The following NFAM1 variants were observed in gnomAD, a reference collection of about 807,000 sequenced individuals.
The protein encoded by NFAM1 is NFAT activating protein with ITAM motif 1.
A neutral mutation model predicts 29.0 loss-of-function variants in NFAM1; 17 were observed. The observed-to-expected ratio is 0.59, with a 90% confidence interval of 0.40 to 0.88. NFAM1 has a LOEUF of 0.88. Ranked by LOEUF, NFAM1 falls within the 40% of genes least tolerant of loss-of-function variation. The probability of loss-of-function intolerance (pLI) is 0.00; values close to 1 mark genes in which losing one functional copy is unlikely to be tolerated. For synonymous variants in NFAM1, 175 were observed against 147.2 expected (o/e 1.19, Z -1.36); for missense variants, 324 against 344.6 (o/e 0.94, Z 0.47).
intron 3 of NFAM1, among the ~76,000 whole-genome samples, chr22:42,405,765 G>A (rs942144138): frequency 1.3e-5 from 2 of 152,174 alleles, no homozygotes; most frequent in Non-Finnish European, 2.9e-5. Context: ...ACTTCACAGT[G>A]GTACCCAAGG....
intron 1 of NFAM1, 131 bp from the exon 2 acceptor site, chr22:42,411,867 G>A: frequency 1.6e-6 from 1 of 642,226 alleles, no homozygotes; most frequent in East Asian, 2.7e-5. Context: ...GGAGGCCGAG[G>A]CAGGCGGATC....
intron 1 of NFAM1, among the ~76,000 whole-genome samples, chr22:42,428,382 C>T (rs943503686): frequency 2.6e-5 from 4 of 152,182 alleles, no homozygotes; most frequent in East Asian, 1.9e-4. Context: ...TCCGGAGCGG[C>T]GGGAAGGGAG....
intron 5 of NFAM1, among the ~76,000 whole-genome samples, chr22:42,386,742 T>C (rs1030737688): frequency 2.6e-5 from 4 of 152,182 alleles, no homozygotes; most frequent in Non-Finnish European, 5.9e-5. Context: ...TTGCTCAATC[T>C]GCACACAAGG....
intron 1 of NFAM1, among the ~76,000 whole-genome samples, chr22:42,412,138 A>G (rs1455886585): frequency 6.6e-6 from 1 of 152,082 alleles, no homozygotes; most frequent in African/African-American, 2.4e-5. Flanking sequence ...AGACTGACGC[A>G]GGAGAATCGC....
chr22:42,412,526 C>T (rs1459839330), intron 1 of NFAM1, among the ~76,000 whole-genome samples: 2 of 152,242 alleles, frequency 1.3e-5, no homozygotes, highest in Non-Finnish European at 2.9e-5. Context: ...CTCCCAACCC[C>T]TCTTCTTCCC....
chr22:42,405,126 G>C (rs1333098855), intron 3 of NFAM1, among the ~76,000 whole-genome samples: 1 of 152,150 alleles, frequency 6.6e-6, no homozygotes, highest in Non-Finnish European at 1.5e-5. Context: ...GCAGGGACCA[G>C]AACTCAAGCC....
chr22:42,415,872 C>T (rs1407771549), intron 1 of NFAM1, among the ~76,000 whole-genome samples: 1 of 152,218 alleles, frequency 6.6e-6, no homozygotes, highest in Non-Finnish European at 1.5e-5. Flanking sequence ...AGTTAGGTCA[C>T]AGGCCCTGTC....
chr22:42,436,434 C>G (rs749474136), upstream of NFAM1, among the ~76,000 whole-genome samples: 2 of 152,182 alleles, frequency 1.3e-5, no homozygotes, highest in Non-Finnish European at 2.9e-5. Flanking sequence ...CAAACACCCT[C>G]ACTATCAAAA....
intron 1 of NFAM1, among the ~76,000 whole-genome samples, chr22:42,413,630 A>G (rs2147110507): frequency 6.6e-6 from 1 of 151,660 alleles, no homozygotes; most frequent in South Asian, 2.1e-4. Context: ...ACAAAAAAAG[A>G]AAAAAAAATC....
intron 1 of NFAM1, among the ~76,000 whole-genome samples, chr22:42,421,368 C>T (rs1257921493): frequency 1.3e-5 from 2 of 149,742 alleles, no homozygotes; most frequent in African/African-American, 4.9e-5. Flanking sequence ...AGGCAGGAAC[C>T]TGGGAGGCAG....
At chr22:42,437,389 C>T (rs1279233674), upstream of NFAM1, among the ~76,000 whole-genome samples, 3 of 152,058 alleles carry the variant, frequency 2.0e-5, no homozygotes, top group Admixed American at 6.5e-5. Context: ...GTGATCTGCC[C>T]GCCTCGGTCT....
In NFAM1 at chr22:42,384,165, A is replaced by G. The variant is rs1929055215; in HGVS notation, c.*996T>C. On this transcript the variant is annotated 3_prime_UTR_variant, in exon 6 of 6. Transcript: ENST00000329021. ...GGGCCAGGGCTGCGGCCTATGGCAGATAAAGATAGAGGAGGAGGGCTGGAT... is the reference window on the plus strand; with the variant it reads ...GGGCCAGGGCTGCGGCCTATGGCAGGTAAAGATAGAGGAGGAGGGCTGGAT... 6.5e-6 allele frequency: 1 copy of G among 152,944 alleles called. No homozygotes were observed. The highest frequency in any genetic ancestry group is 6.5e-5 in the Admixed American group (1 of 15,288). The allele number at this position is 152,944 out of a possible 1,614,324, so 9.5% of individuals were successfully genotyped here. A position where few individuals can be genotyped will look rare whatever the true frequency, so the allele number is the denominator to read the frequency against.
At chr22:42,405,116 G>T (rs896813278) in intron 3 of NFAM1, among the ~76,000 whole-genome samples, 4 of 152,178 alleles carry the variant, frequency 2.6e-5, no homozygotes, top group Non-Finnish European at 4.4e-5. Flanking sequence ...AGGGGAGGGA[G>T]CAGGGACCAG....
intron 1 of NFAM1, among the ~76,000 whole-genome samples, chr22:42,423,675 T>C (rs2146552708): frequency 6.6e-6 from 1 of 151,630 alleles, no homozygotes; most frequent in East Asian, 1.9e-4. Context: ...GCCATGACTG[T>C]ATCACCTCAG....
At chr22:42,424,143 C>T (rs895134908) in intron 1 of NFAM1, among the ~76,000 whole-genome samples, 4 of 149,614 alleles carry the variant, frequency 2.7e-5, no homozygotes, top group East Asian at 2.1e-4. Flanking sequence ...TGGCTGGGCG[C>T]GGTGGCTCAT....
intron 1 of NFAM1, among the ~76,000 whole-genome samples, chr22:42,413,218 G>T (rs1458491919): frequency 6.6e-6 from 1 of 152,226 alleles, no homozygotes; most frequent in African/African-American, 2.4e-5. Context: ...TCTTTGAGAT[G>T]CTCAGAGGAG....
At chr22:42,397,005 G>A (rs1321663583) in intron 4 of NFAM1, among the ~76,000 whole-genome samples, 2 of 150,424 alleles carry the variant, frequency 1.3e-5, no homozygotes, top group Admixed American at 1.3e-4. Flanking sequence ...GTGCCTTCCA[G>A]GCGTGGAGTG....
At chr22:42,436,603 G>GCCT (rs1930946959), upstream of NFAM1, among the ~76,000 whole-genome samples, 1 of 152,232 alleles carries the variant, frequency 6.6e-6, no homozygotes, top group Non-Finnish European at 1.5e-5. Context: ...GCCTGGCCTG[G>GCCT]CTTGTCTCCA....
At chr22:42,398,633 C>G (rs973173382) in intron 3 of NFAM1, among the ~76,000 whole-genome samples, 6 of 151,988 alleles carry the variant, frequency 3.9e-5, no homozygotes, top group Non-Finnish European at 8.8e-5. Context: ...AGGCTGGTCT[C>G]GAACTCCTGA....
Sources: allele counts gnomAD v4.1 joint callset (sites outside exome capture counted in the v4.1 genomes callset), GRCh38; gene constraint gnomAD v4.1.1; transcripts MANE v1.5; gene names NCBI Gene and HGNC (gene_info 2026-07-23, HGNC 2026-07-21).